Variants in CRADD observed in about 807,000 individuals in gnomAD.
The protein encoded by CRADD is death domain-containing protein CRADD.
A neutral mutation model predicts 15.5 loss-of-function variants in CRADD; 9 were observed. The observed-to-expected ratio is 0.58, with a 90% CI of 0.35 to 1.01. The LOEUF is 1.01. Among genes scored for constraint, CRADD ranks in the 50% least tolerant of loss-of-function variants. The pLI is 0.02. For missense variants in CRADD, 227 were observed against 250.3 expected, an observed-to-expected ratio of 0.91 and a Z score of 0.63; for synonymous variants, 118 against 107.6, an observed-to-expected ratio of 1.10 and a Z score of -0.60.
At chr12:93,873,774 A>T (rs913696758) in intron 2 of CRADD, among the ~76,000 whole-genome samples, 3 of 152,064 alleles carry the variant, frequency 2.0e-5, no homozygotes, top group African/African-American at 7.2e-5. Flanking sequence ...TTTGATCGTG[A>T]TGAATGATCT....
intron 2 of CRADD, among the ~76,000 whole-genome samples, chr12:93,711,533 T>C (rs1956074724): frequency 6.6e-6 from 1 of 152,158 alleles, no homozygotes; most frequent in African/African-American, 2.4e-5. Flanking sequence ...TCTTTACCTC[T>C]TCTCTTACTC....
chr12:93,836,967 G>A (rs1309397331), intron 2 of CRADD, among the ~76,000 whole-genome samples: 1 of 152,210 alleles, frequency 6.6e-6, no homozygotes, highest in Non-Finnish European at 1.5e-5. Context: ...GGGAATGACA[G>A]TGGAATGGGA....
At position 93,850,582 on chromosome 12, in the gene CRADD, C is replaced by CAT. The variant is rs143488494; in HGVS notation, c.*324_*325dup. ...ATCACAGTGGTTCAAAATATATATC[C>CAT]ATATATATATATATCCATATATATA... is the stretch of plus-strand genomic sequence containing the variant. On this transcript the variant is annotated 3_prime_UTR_variant, in exon 3 of 3. Coordinates refer to ENST00000332896, the MANE Select transcript of CRADD (RefSeq NM_003805.5). The surrounding 1 kb of genome is among the most constrained non-coding windows in gnomAD (Gnocchi z 4.0). 1.9e-3 allele frequency: 1,640 copies of CAT among 873,216 alleles called. 1 individual carries two copies. Among genetic ancestry groups the CAT allele is most frequent in the South Asian group, 3.6e-3 (83 of 22,866 alleles). 54.1% of individuals were successfully genotyped at this position (873,216 alleles called of 1,614,324 possible). A position where few individuals can be genotyped will look rare whatever the true frequency, so the allele number is the denominator to read the frequency against.
At chr12:93,814,942 G>GCTCAAA (rs1215852941) in intron 2 of CRADD, among the ~76,000 whole-genome samples, 3 of 152,202 alleles carry the variant, frequency 2.0e-5, no homozygotes, top group Non-Finnish European at 2.9e-5. Context: ...ATTATGCAGT[G>GCTCAAA]TTTGAAAGAG....
chr12:93,865,824 A>AT (rs11378803), intron 2 of CRADD, among the ~76,000 whole-genome samples: 90,694 of 151,764 alleles, frequency 0.6, 27,213 homozygotes, highest in East Asian at 0.67. Context: ...TTGTATTGTT[A>AT]TTTTTTTCAG....
intron 2 of CRADD, among the ~76,000 whole-genome samples, chr12:93,784,263 T>C (rs1403935680): frequency 1.3e-5 from 2 of 152,090 alleles, no homozygotes; most frequent in Non-Finnish European, 2.9e-5. Flanking sequence ...GCATCAAAAA[T>C]GGAAAAATAA....
chr12:93,787,067 A>T (rs1301170627), intron 2 of CRADD, among the ~76,000 whole-genome samples: 1 of 152,100 alleles, frequency 6.6e-6, no homozygotes, highest in East Asian at 1.9e-4. Context: ...TATTGCTCAA[A>T]ATATCTTTGA....
At chr12:93,785,994 T>C (rs144799102) in intron 2 of CRADD, among the ~76,000 whole-genome samples, 20 of 152,288 alleles carry the variant, frequency 1.3e-4, no homozygotes, top group African/African-American at 3.6e-4. Context: ...GGTTTTTCCT[T>C]TAAAAGAAAG....
chr12:93,693,726 C>T (rs1458750806), intron 2 of CRADD, among the ~76,000 whole-genome samples: 3 of 152,006 alleles, frequency 2.0e-5, no homozygotes, highest in Non-Finnish European at 4.4e-5. Flanking sequence ...TGGATTTAGA[C>T]TACACTTTAG....
In CRADD at chr12:93,678,906, C is replaced by G. The variant is rs142042379; in HGVS notation, c.132C>G (p.Ile44Met). 1.2e-6 allele frequency: 2 copies of G among 1,614,052 alleles called. No individual in the cohort carries two copies. Among genetic ancestry groups the G allele is most frequent in the African/African-American group, 1.3e-5 (1 of 74,912 alleles). The change falls in exon 2 of 3, where the codon ATC (isoleucine) becomes ATG (methionine). Residue 44 changes from isoleucine to methionine, a missense_variant. Physicochemically the swap from Ile to Met is conservative, Grantham distance 10. Coordinates refer to ENST00000332896, the MANE Select transcript of CRADD (RefSeq NM_003805.5). ...GILTENHIQE[I>M]NAQTTGLRKT... is the part of the protein sequence containing the mutation. ...TGACGGAAAACCATATTCAAGAAAT[C>G]AATGCTCAAACCACAGGCCTCCGGA...
chr12:93,823,169 G>A (rs56387984), intron 2 of CRADD, among the ~76,000 whole-genome samples: 12,686 of 152,118 alleles, frequency 0.083, 603 homozygotes, highest in Middle Eastern at 0.21. Flanking sequence ...GCAGGTGCCT[G>A]TAATCCTAGC....
intron 2 of CRADD, among the ~76,000 whole-genome samples, chr12:93,844,356 G>A (rs540068573): frequency 6.6e-5 from 10 of 152,136 alleles, no homozygotes; most frequent in Non-Finnish European, 1.5e-4. Flanking sequence ...AACTGAACGG[G>A]TCTCATGAGG....
intron 2 of CRADD, among the ~76,000 whole-genome samples, chr12:93,716,100 C>G (rs1406070824): frequency 6.7e-6 from 1 of 148,464 alleles, no homozygotes; most frequent in Non-Finnish European, 1.5e-5. Flanking sequence ...CCACTGCACT[C>G]TAGCCTGTGT....
In CRADD at chr12:93,755,314, A is replaced by G. The variant is rs142156030; in HGVS notation, c.298+76242A>G. 3.9e-5 allele frequency among the ~76,000 whole-genome samples: 6 copies of G among 152,304 alleles called. No individual in the cohort carries two copies. In the East Asian group the frequency reaches 1.2e-3, roughly 29 times the overall value. Reference sequence around the variant, plus strand: ...AATATTGCCTTATCCCTCACAAAGGAGTGGTGGGCTTAGAAGGCCACATGT... The same window carrying G: ...AATATTGCCTTATCCCTCACAAAGGGGTGGTGGGCTTAGAAGGCCACATGT... On this transcript the variant is annotated intron_variant, in intron 2 of 2. Transcript: ENST00000332896.
chr12:93,715,667 A>G (rs922176931), intron 2 of CRADD, among the ~76,000 whole-genome samples: 1 of 152,216 alleles, frequency 6.6e-6, no homozygotes, highest in African/African-American at 2.4e-5. Flanking sequence ...ATTAATGGCA[A>G]ATATTTAGAG....
intron 2 of CRADD, among the ~76,000 whole-genome samples, chr12:93,836,351 T>A (rs932834599): frequency 2.0e-5 from 3 of 152,166 alleles, no homozygotes; most frequent in Admixed American, 1.3e-4. Flanking sequence ...CATTTTTATT[T>A]TATTACCTTT....
intron 2 of CRADD, among the ~76,000 whole-genome samples, chr12:93,812,854 C>T (rs1419007238): frequency 6.6e-6 from 1 of 152,160 alleles, no homozygotes; most frequent in African/African-American, 2.4e-5. Context: ...AGTTATAATG[C>T]TATCGCAATA....
chr12:93,719,301 A>G (rs1946024431), intron 2 of CRADD, among the ~76,000 whole-genome samples: 1 of 152,196 alleles, frequency 6.6e-6, no homozygotes. Context: ...GATAAATCCC[A>G]CTTGGTCATG....
At chr12:93,883,466 A>T (rs1285441643) in intron 2 of CRADD, among the ~76,000 whole-genome samples, 1 of 152,072 alleles carries the variant, frequency 6.6e-6, no homozygotes, top group African/African-American at 2.4e-5. Context: ...GTACCACATA[A>T]GACATTAAGA....
Sources: gnomAD v4.1 joint callset for allele counts (sites outside exome capture counted in the v4.1 genomes callset) on GRCh38, gnomAD v4.1.1 for gene constraint, Gnocchi (gnomAD v3.1) non-coding constraint, MANE v1.5 for transcripts, NCBI Gene and HGNC (gene_info 2026-07-23, HGNC 2026-07-21) for gene names.